The following COL4A6 variants were observed in gnomAD, a reference collection of about 807,000 sequenced individuals.
COL4A6 encodes collagen alpha-6(IV) chain.
A neutral mutation model predicts 126.7 loss-of-function variants in COL4A6; 59 were observed. The ratio of observed to expected loss-of-function variants is 0.47; its 90% CI spans 0.38 to 0.58. The LOEUF (loss-of-function observed/expected upper bound fraction) is 0.58. Ranked by LOEUF, COL4A6 falls within the 20% of genes least tolerant of loss-of-function variation. The pLI is 0.00. For missense variants in COL4A6, 1,285 were observed against 1,337.3 expected, an observed-to-expected ratio of 0.96 and a Z score of 0.61; for synonymous variants, 547 against 496.6, an observed-to-expected ratio of 1.10 and a Z score of -1.35.
chrX:108,434,007 AG>A (rs1361828834), intron 2 of COL4A6, among the ~76,000 whole-genome samples: 1 of 111,794 alleles, frequency 8.9e-6, no homozygotes, highest in Non-Finnish European at 1.9e-5. Context: ...GAGGTCAATC[AG>A]TTTTTTCTAT....
chrX:108,269,846 T>G (rs964954899), intron 3 of COL4A6, among the ~76,000 whole-genome samples: 1 of 111,385 alleles, frequency 9.0e-6, no homozygotes, highest in Non-Finnish European at 1.9e-5. Context: ...TAGGGGAACT[T>G]TAACCAACCC....
At chrX:108,389,451 T>C (rs1444220690) in intron 2 of COL4A6, among the ~76,000 whole-genome samples, 1 of 111,953 alleles carries the variant, frequency 8.9e-6, no homozygotes, top group Non-Finnish European at 1.9e-5. Flanking sequence ...TTTGCATTGA[T>C]CCCTTTACCA....
chrX:108,278,722 A>G (rs2037697903), intron 3 of COL4A6, among the ~76,000 whole-genome samples: 1 of 109,213 alleles, frequency 9.2e-6, no homozygotes, highest in Admixed American at 9.8e-5. Flanking sequence ...GAAGGAAAAA[A>G]TGTTAAGGGC....
At chrX:108,345,075 T>C (rs1002617789) in intron 2 of COL4A6, among the ~76,000 whole-genome samples, 1 of 111,462 alleles carries the variant, frequency 9.0e-6, no homozygotes, top group African/African-American at 3.3e-5. Flanking sequence ...TACCTGTTCC[T>C]AACTACTGAA....
intron 3 of COL4A6, among the ~76,000 whole-genome samples, chrX:108,245,156 G>T (rs1211799750): frequency 8.9e-6 from 1 of 112,191 alleles, no homozygotes; most frequent in Non-Finnish European, 1.9e-5. Flanking sequence ...TTAACAGAAG[G>T]GTGCGTGCAT....
At chrX:108,351,769 T>C (rs2039853293) in intron 2 of COL4A6, among the ~76,000 whole-genome samples, 1 of 110,919 alleles carries the variant, frequency 9.0e-6, no homozygotes, top group Non-Finnish European at 1.9e-5. Flanking sequence ...AATAGTGATT[T>C]TATGTGAAAA....
intron 3 of COL4A6, among the ~76,000 whole-genome samples, chrX:108,308,312 G>A (rs1245864472): frequency 1.8e-5 from 2 of 111,415 alleles, no homozygotes; most frequent in African/African-American, 6.5e-5. Context: ...ACTGACCTCC[G>A]ATCAGATATA....
At chrX:108,339,843 T>G (rs571228680) in intron 2 of COL4A6, among the ~76,000 whole-genome samples, 1 of 111,405 alleles carries the variant, frequency 9.0e-6, no homozygotes, top group South Asian at 3.8e-4. Flanking sequence ...TGGATCTGAT[T>G]CTTGCTACGG....
chrX:108,162,454 AAAAGAAG>A (rs2033986194), intron 41 of COL4A6, among the ~76,000 whole-genome samples: 1 of 84,780 alleles, frequency 1.2e-5, no homozygotes, highest in Admixed American at 1.1e-4. Context: ...GACGAAGAAG[AAAAGAAG>A]AAGAAGAAGA....
chrX:108,316,218 T>G (rs956504510), intron 2 of COL4A6, among the ~76,000 whole-genome samples: 1 of 112,283 alleles, frequency 8.9e-6, no homozygotes, highest in South Asian at 3.7e-4. Flanking sequence ...ACTGGCTGTG[T>G]ATAATTTTAT....
intron 32 of COL4A6, among the ~76,000 whole-genome samples, chrX:108,172,184 T>C (rs1347979634): frequency 9.2e-6 from 1 of 108,635 alleles, no homozygotes; most frequent in Non-Finnish European, 1.9e-5. Context: ...AATCCGTCTC[T>C]ACCAAAAATA....
intron 2 of COL4A6, among the ~76,000 whole-genome samples, chrX:108,365,948 A>T (rs1486978548): frequency 1.8e-5 from 2 of 111,542 alleles, no homozygotes; most frequent in Non-Finnish European, 3.8e-5. Flanking sequence ...TATCTCCAGG[A>T]GAGTAAGAAA....
chrX:108,435,707 A>C (rs185024042), intron 2 of COL4A6, among the ~76,000 whole-genome samples: 1 of 111,986 alleles, frequency 8.9e-6, no homozygotes, highest in East Asian at 2.8e-4. Context: ...CTTTATATAG[A>C]TGTGCTTTGT....
At chrX:108,376,191 C>T (rs12857621) in intron 2 of COL4A6, among the ~76,000 whole-genome samples, 2 of 111,292 alleles carry the variant, frequency 1.8e-5, no homozygotes, top group Non-Finnish European at 3.8e-5. Flanking sequence ...TTGAAGAGGG[C>T]TTTTATTGTT....
Position 108,202,942 on chromosome X carries a change from G to A in COL4A6, c.820C>T (p.Pro274Ser), listed in dbSNP as rs948140774. The A allele has an allele frequency of 8.3e-7, 1 of 1,209,768 alleles. No individual in the cohort carries two copies. The highest frequency in any genetic ancestry group is 2.2e-5 in the Admixed American group (1 of 45,981). ...GAGAGACTTACCGGGAAGCCTGGAG[G>A]GCCACTTATGCCTGGAAAACCCTTA... ...GPKGFPGISG[P>S]PGFPGLGTTG... The change falls in exon 13 of 45, where the codon CCT becomes TCT. Residue 274 changes from proline (P) to serine (S), a missense_variant. Physicochemically the swap from Pro to Ser is moderately conservative, Grantham distance 74. Coordinates refer to ENST00000334504, the MANE Select transcript of COL4A6 (RefSeq NM_033641.4).
chrX:108,253,372 A>G (rs906050622), intron 3 of COL4A6, among the ~76,000 whole-genome samples: 3 of 112,151 alleles, frequency 2.7e-5, no homozygotes, highest in African/African-American at 9.7e-5. Context: ...CATAATAACA[A>G]AGTGGTCATC....
chrX:108,254,252 C>G (rs1190924736), intron 3 of COL4A6, among the ~76,000 whole-genome samples: 1 of 110,021 alleles, frequency 9.1e-6, no homozygotes, highest in Admixed American at 9.7e-5. Flanking sequence ...TTTCTTAGAT[C>G]ATTTTCCTAT....
chrX:108,309,126 G>T (rs1447004073), intron 3 of COL4A6, among the ~76,000 whole-genome samples: 2 of 111,840 alleles, frequency 1.8e-5, no homozygotes, highest in African/African-American at 6.5e-5. Flanking sequence ...AGATAAGAAA[G>T]ACAATAATGG....
chrX:108,180,597 A>G lies in COL4A6; in HGVS notation c.2049T>C (p.Pro683=), dbSNP rs755907513. 3.3e-6 allele frequency: 4 copies of G among 1,199,451 alleles called. No homozygotes were observed. The African/African-American group carries it at 7.1e-5, about 21-fold the overall frequency. ...FPGPKGSRGL[P]GTPGQPGSSG... ...TTGACCCAGGCTGGCCTGGGGTCCCAGGGAGGCCTCGAGACCCTTTAGGGC... is the reference window on the plus strand; with the variant it reads ...TTGACCCAGGCTGGCCTGGGGTCCCGGGGAGGCCTCGAGACCCTTTAGGGC... The change falls in exon 25 of 45, where the codon CCT becomes CCC. Residue 683 remains proline (P), a synonymous_variant. Coordinates refer to ENST00000334504, the MANE Select transcript of COL4A6 (RefSeq NM_033641.4).
Sources: gnomAD v4.1 joint callset for allele counts (sites outside exome capture counted in the v4.1 genomes callset) on GRCh38, gnomAD v4.1.1 for gene constraint, MANE v1.5 for transcripts, NCBI Gene and HGNC (gene_info 2026-07-23, HGNC 2026-07-21) for gene names.